Variants in TEK observed in about 807,000 individuals in gnomAD.
The protein encoded by TEK is TEK receptor tyrosine kinase, also known as angiopoietin-1 receptor.
A neutral mutation model predicts 131.8 loss-of-function variants in TEK; 43 were observed. The observed-to-expected ratio is 0.33, with a 90% CI of 0.26 to 0.42. The LOEUF is 0.42. TEK is among the 10% of genes least tolerant of loss of function. TEK has a pLI of 1.00. For synonymous variants in TEK, 580 were observed against 491.6 expected (o/e 1.18, Z -2.38); for missense variants, 1,162 against 1,384.4 (o/e 0.84, Z 2.55).
chr9:27,159,190 A>G (rs1823453375), intron 2 of TEK, among the ~76,000 whole-genome samples: 1 of 152,182 alleles, frequency 6.6e-6, no homozygotes, highest in Admixed American at 6.5e-5. Flanking sequence ...ATAGCAGGCT[A>G]AGGTAGTATA....
At chr9:27,136,086 T>A (rs1326993639) in intron 1 of TEK, among the ~76,000 whole-genome samples, 1 of 42,122 alleles carries the variant, frequency 2.4e-5, no homozygotes, top group Non-Finnish European at 6.7e-5. Flanking sequence ...AGGGCAGTTA[T>A]TTTTTTTTTT....
rs202029452 is a variant in TEK at position 27,197,305 on chromosome 9, A to T, written c.1625-10A>T. 2.0e-4 allele frequency: 326 copies of T among 1,613,380 alleles called. 1 individual carries two copies. Among genetic ancestry groups the T allele is most frequent in the Admixed American group, 2.3e-4 (14 of 59,956 alleles). On this transcript the variant is annotated splice_polypyrimidine_tract_variant and intron_variant, in intron 11 of 22. Coordinates refer to ENST00000380036, the MANE Select transcript of TEK (RefSeq NM_000459.5). Reference sequence around the variant, plus strand: ...TATATAAAAATAATGATTTTTCTGGATTCTCCTAGGACTCCCTCCTCCAAG... The same window carrying T: ...TATATAAAAATAATGATTTTTCTGGTTTCTCCTAGGACTCCCTCCTCCAAG...
At chr9:27,111,358 G>A (rs7390815) in intron 1 of TEK, among the ~76,000 whole-genome samples, 143,256 of 152,212 alleles carry the variant, frequency 0.94, 67,956 homozygotes, top group East Asian at 1. Context: ...GACTGCTCAA[G>A]GCTTGATAAT....
intron 7 of TEK, among the ~76,000 whole-genome samples, chr9:27,181,372 GA>G (rs1824366331): frequency 6.6e-6 from 1 of 151,928 alleles, no homozygotes; most frequent in South Asian, 2.1e-4. Context: ...TATATTTATT[GA>G]AAAAAATCCA....
chr9:27,110,493 C>G (rs1035397997), intron 1 of TEK, among the ~76,000 whole-genome samples: 1 of 152,144 alleles, frequency 6.6e-6, no homozygotes, highest in Non-Finnish European at 1.5e-5. Flanking sequence ...ATCACAAATA[C>G]ATTTATCATT....
At chr9:27,141,387 A>G (rs1473953111) in intron 1 of TEK, among the ~76,000 whole-genome samples, 1 of 152,146 alleles carries the variant, frequency 6.6e-6, no homozygotes, top group Admixed American at 6.5e-5. Flanking sequence ...AGTATTAAAT[A>G]GTGAAAGTAT....
intron 1 of TEK, among the ~76,000 whole-genome samples, chr9:27,110,766 G>A (rs1821312195): frequency 6.6e-6 from 1 of 152,166 alleles, no homozygotes. Flanking sequence ...AATATTTTGA[G>A]AATTTAATAA....
At chr9:27,135,159 G>C (rs1395309518) in intron 1 of TEK, among the ~76,000 whole-genome samples, 1 of 152,038 alleles carries the variant, frequency 6.6e-6, no homozygotes, top group Non-Finnish European at 1.5e-5. Flanking sequence ...AGGAGGTGGA[G>C]GTTGCAGTGA....
At position 27,203,030 on chromosome 9, in the gene TEK, C is replaced by T; in HGVS notation, c.2120C>T (p.Ala707Val). 1 of 1,614,128 alleles carries T rather than the reference C, an allele frequency of 6.2e-7. No individual in the cohort carries two copies. The highest frequency in any genetic ancestry group is 8.5e-7 in the Non-Finnish European group (1 of 1,180,000). The change falls in exon 13 of 23, where the codon GCA becomes GTA. Residue 707 changes from alanine to valine, a missense_variant. Coordinates refer to ENST00000380036, the MANE Select transcript of TEK (RefSeq NM_000459.5). The part of the protein sequence containing the change: ...YQLKGLEPET[A>V]YQVDIFAENN... Reference sequence around the variant, plus strand: ...CTCAAGGGCCTAGAGCCTGAAACAGCATACCAGGTGGACATTTTTGCAGAG... The same window carrying T: ...CTCAAGGGCCTAGAGCCTGAAACAGTATACCAGGTGGACATTTTTGCAGAG...
At chr9:27,163,337 A>C (rs1215506742) in intron 2 of TEK, among the ~76,000 whole-genome samples, 1 of 152,188 alleles carries the variant, frequency 6.6e-6, no homozygotes, top group African/African-American at 2.4e-5. Flanking sequence ...TAGGGGATAT[A>C]TACCATGAGT....
intron 4 of TEK, among the ~76,000 whole-genome samples, chr9:27,171,961 G>A (rs956605520): frequency 6.6e-6 from 1 of 152,132 alleles, no homozygotes; most frequent in African/African-American, 2.4e-5. Context: ...GGTAAATGGG[G>A]TACATCTTCT....
At chr9:27,216,114 C>T (rs1000809056) in intron 18 of TEK, among the ~76,000 whole-genome samples, 2 of 152,046 alleles carry the variant, frequency 1.3e-5, no homozygotes, top group Non-Finnish European at 1.5e-5. Context: ...AGGATAAAGT[C>T]CTGAAGGGCC....
At chr9:27,215,298 G>A (rs1825778463) in intron 18 of TEK, among the ~76,000 whole-genome samples, 1 of 145,352 alleles carries the variant, frequency 6.9e-6, no homozygotes. Context: ...CCTTGGGGCT[G>A]GGGAGGAAAG....
intron 1 of TEK, among the ~76,000 whole-genome samples, chr9:27,120,661 T>A (rs988746770): frequency 6.6e-6 from 1 of 152,246 alleles, no homozygotes; most frequent in Non-Finnish European, 1.5e-5. Flanking sequence ...ATTCATCTAT[T>A]GCTATTCCCT....
In TEK at chr9:27,160,010, G is replaced by GTTTTTT. The variant is rs563961610; in HGVS notation, c.364+1893_364+1898dup. 1.1e-3 allele frequency among the ~76,000 whole-genome samples: 89 copies of GTTTTTT among 84,340 alleles called. 2 individuals carry two copies. The highest frequency in any genetic ancestry group is 4.3e-3 in the African/African-American group (89 of 20,636). The allele number at this position is 84,340 out of a possible 152,430, so 55.3% of individuals were successfully genotyped here. The stretch of plus-strand genomic sequence containing the variant: ...ATAATGACATTGTCAGCTGTTTAGG[G>GTTTTTT]TTTTTTTTTTTTTTTTTTTTTTTTT... On this transcript the variant is annotated intron_variant, in intron 2 of 22. Transcript: ENST00000380036.
Position 27,182,557 on chromosome 9 carries a change from C to T in TEK, c.1031-902C>T, listed in dbSNP as rs532181453. Among the ~76,000 whole-genome samples the T allele has an allele frequency of 2.0e-5, 3 of 152,210 alleles. No homozygotes were observed. In the East Asian group the frequency reaches 5.8e-4, roughly 29 times the overall value. On this transcript the variant is annotated intron_variant, in intron 7 of 22. Transcript: ENST00000380036. ...TATCAGTATAAAATATCATTATTGA[C>T]CCCGCCTCTTCCCACCACCGATAAG...
At chr9:27,186,495 A>C (rs1469909873) in intron 9 of TEK, among the ~76,000 whole-genome samples, 3 of 152,224 alleles carry the variant, frequency 2.0e-5, no homozygotes, top group Non-Finnish European at 4.4e-5. Context: ...AAGTCTGTAC[A>C]TGTTCAGACA....
At position 27,197,548 on chromosome 9, in the gene TEK, A is replaced by G; in HGVS notation, c.1858A>G (p.Lys620Glu). The G allele has an allele frequency of 6.2e-7, 1 of 1,614,072 alleles. No individual in the cohort carries two copies. Among genetic ancestry groups the G allele is most frequent in the Non-Finnish European group, 8.5e-7 (1 of 1,179,980 alleles). The change falls in exon 12 of 23, where the codon AAG becomes GAG. Residue 620 changes from lysine (K) to glutamate (E), a missense_variant. Lys to Glu is a moderately conservative substitution (Grantham distance 56). This residue lies in a region of TEK where 477 missense variants were observed against 471.0 expected (regional missense o/e 1.01). Transcript: ENST00000380036. The part of the protein sequence containing the change: ...QYVVRARVNT[K>E]AQGEWSEDLT... ...CGTGGTCCGAGCTAGAGTCAACACCAAGGCCCAGGGGGAATGGAGTGAAGA... is the reference window on the plus strand; with the variant it reads ...CGTGGTCCGAGCTAGAGTCAACACCGAGGCCCAGGGGGAATGGAGTGAAGA...
At chr9:27,207,915 C>T (rs1825455608) in intron 15 of TEK, among the ~76,000 whole-genome samples, 1 of 152,138 alleles carries the variant, frequency 6.6e-6, no homozygotes, top group Non-Finnish European at 1.5e-5. Flanking sequence ...TGCAAAACAG[C>T]CACAAATCCC....
Sources: allele counts gnomAD v4.1 joint callset (sites outside exome capture counted in the v4.1 genomes callset), GRCh38; gene constraint gnomAD v4.1.1; regional missense constraint gnomAD v4.1.1; transcripts MANE v1.5; gene names NCBI Gene and HGNC (gene_info 2026-07-23, HGNC 2026-07-21).